GLIS3: variants seen among roughly 807,000 people sequenced by gnomAD.
GLIS3 encodes GLIS family zinc finger 3.
A neutral mutation model predicts 78.6 loss-of-function variants in GLIS3; 53 were observed. That is an observed-to-expected ratio of 0.67 (90% CI 0.54 to 0.85). GLIS3 has a LOEUF of 0.85. Ranked by LOEUF, GLIS3 falls within the 40% of genes least tolerant of loss-of-function variation. The pLI is 0.00. For synonymous variants in GLIS3, 684 were observed against 509.9 expected (o/e 1.34, Z -4.60); for missense variants, 1,703 against 1,231.1 (o/e 1.38, Z -5.74).
At chr9:4,261,734 A>C (rs890168427) in intron 2 of GLIS3, among the ~76,000 whole-genome samples, 2 of 152,174 alleles carry the variant, frequency 1.3e-5, no homozygotes, top group African/African-American at 4.8e-5. Flanking sequence ...AATTTCACTA[A>C]ACGCAATTCC....
At chr9:4,269,761 T>C (rs1238599903) in intron 2 of GLIS3, among the ~76,000 whole-genome samples, 1 of 152,220 alleles carries the variant, frequency 6.6e-6, no homozygotes, top group African/African-American at 2.4e-5. Flanking sequence ...TCTATTAATT[T>C]TGTCTGAGAA....
intron 7 of GLIS3, 125 bp from the exon 8 acceptor site, chr9:3,879,720 G>T: frequency 1.0e-6 from 1 of 991,562 alleles, no homozygotes; most frequent in Non-Finnish European, 1.5e-6. Flanking sequence ...GGTTTTCAGG[G>T]AACAGTTCTC....
rs1263069064 is a variant in GLIS3, at chr9:4,279,313, AAAT to A, written c.388+6722_388+6724del. On this transcript the variant is annotated intron_variant, in intron 2 of 10. Transcript: ENST00000381971. ...ACTCCATCTCAAAAAAAAAAAAAAA[AAAT>A]ATATATATACACACACACACACACA... 2.7e-3 allele frequency among the ~76,000 whole-genome samples: 182 copies of A among 68,078 alleles called. 8 individuals are homozygous for A. The highest frequency in any genetic ancestry group is 0.022 in the East Asian group (62 of 2,802). 44.7% of individuals were successfully genotyped at this position (68,078 alleles called of 152,430 possible).
chr9:4,395,932 C>T, the GLIS3 span, among the ~76,000 whole-genome samples: 2 of 151,876 alleles, frequency 1.3e-5, no homozygotes, highest in African/African-American at 4.8e-5. Context: ...CACCACCACG[C>T]CCAGCTAATT....
At chr9:4,240,735 T>C (rs543601653) in intron 2 of GLIS3, among the ~76,000 whole-genome samples, 113 of 152,070 alleles carry the variant, frequency 7.4e-4, no homozygotes, top group Non-Finnish European at 1.3e-3. Flanking sequence ...GTAAAACCAA[T>C]ATTCAAACAA....
At chr9:4,151,214 G>A (rs897667762) in intron 2 of GLIS3, among the ~76,000 whole-genome samples, 1 of 152,104 alleles carries the variant, frequency 6.6e-6, no homozygotes, top group Non-Finnish European at 1.5e-5. Flanking sequence ...AAGTGTCTTT[G>A]AGCCTAGAAG....
At chr9:4,273,773 C>CT (rs1482659980) in intron 2 of GLIS3, among the ~76,000 whole-genome samples, 3 of 152,132 alleles carry the variant, frequency 2.0e-5, no homozygotes, top group Non-Finnish European at 4.4e-5. Flanking sequence ...CGAAGATTCT[C>CT]TGATGCTCAC....
At chr9:4,363,737 A>C in the GLIS3 span, among the ~76,000 whole-genome samples, 1 of 152,144 alleles carries the variant, frequency 6.6e-6, no homozygotes, top group Non-Finnish European at 1.5e-5. Flanking sequence ...TGCTCTACCC[A>C]TAGAAATTTC....
At chr9:4,152,035 G>A in intron 2 of GLIS3, 1 of 516,540 alleles carries the variant, frequency 1.9e-6, no homozygotes, top group Non-Finnish European at 2.5e-6. Flanking sequence ...GAAAAAACCA[G>A]AACCTCAAAC....
chr9:3,960,265 C>CAGAT (rs1817459949), intron 4 of GLIS3, among the ~76,000 whole-genome samples: 1 of 152,164 alleles, frequency 6.6e-6, no homozygotes, highest in Admixed American at 6.5e-5. Flanking sequence ...GCCTGGGGAG[C>CAGAT]AGATCCTCTT....
chr9:3,973,565 T>C (rs1393572875), intron 4 of GLIS3, among the ~76,000 whole-genome samples: 2 of 152,198 alleles, frequency 1.3e-5, no homozygotes, highest in East Asian at 1.9e-4. Context: ...TCAAGTTCTT[T>C]ATTACACAAA....
chr9:3,942,806 A>C (rs938925178), intron 4 of GLIS3, among the ~76,000 whole-genome samples: 2 of 152,232 alleles, frequency 1.3e-5, no homozygotes, highest in Admixed American at 1.3e-4. Flanking sequence ...TACTTTGAGC[A>C]GCAACATTCT....
At chr9:3,923,750 G>A (rs1464345502) in intron 6 of GLIS3, among the ~76,000 whole-genome samples, 2 of 152,212 alleles carry the variant, frequency 1.3e-5, no homozygotes, top group Non-Finnish European at 2.9e-5. Context: ...CTAGGCTGCA[G>A]GATGGATGAG....
chr9:3,908,756 A>C (rs1393007813), intron 6 of GLIS3, among the ~76,000 whole-genome samples: 1 of 47,766 alleles, frequency 2.1e-5, no homozygotes, highest in African/African-American at 9.9e-5. Context: ...TAATGTTTAT[A>C]AGCCCTTGTA....
Position 3,871,234 on chromosome 9 carries a change from T to C in GLIS3, c.2297+8193A>G, listed in dbSNP as rs553098830. Reference sequence around the variant, plus strand: ...GCTTTGCAGGGTACAGCCTGCCTCCTGGTTGCTTTCATGGGCTGGCATTGA... The same window carrying C: ...GCTTTGCAGGGTACAGCCTGCCTCCCGGTTGCTTTCATGGGCTGGCATTGA... On this transcript the variant is annotated intron_variant, in intron 8 of 10. Coordinates refer to ENST00000381971, the MANE Select transcript of GLIS3 (RefSeq NM_001042413.2). Among the ~76,000 whole-genome samples the C allele has an allele frequency of 1.4e-4, 21 of 152,326 alleles. No homozygotes were observed. In the East Asian group the frequency reaches 4.1e-3, roughly 29 times the overall value.
chr9:4,460,188 C>A, the GLIS3 span, among the ~76,000 whole-genome samples: 540 of 152,004 alleles, frequency 3.6e-3, 5 homozygotes, highest in African/African-American at 0.012. Context: ...TCATGGAAGA[C>A]CATGGGCATT....
At chr9:4,031,726 G>C (rs1823850544) in intron 4 of GLIS3, among the ~76,000 whole-genome samples, 1 of 151,910 alleles carries the variant, frequency 6.6e-6, no homozygotes, top group Non-Finnish European at 1.5e-5. Flanking sequence ...GGTACCAAAG[G>C]AAAAAAATAC....
At chr9:4,196,423 T>C (rs1283773202) in intron 2 of GLIS3, among the ~76,000 whole-genome samples, 1 of 152,242 alleles carries the variant, frequency 6.6e-6, no homozygotes, top group African/African-American at 2.4e-5. Context: ...GTGGAAGCTT[T>C]GTTCTTTCGC....
At chr9:4,152,654 T>C (rs1038977395) in intron 2 of GLIS3, among the ~76,000 whole-genome samples, 1 of 152,222 alleles carries the variant, frequency 6.6e-6, no homozygotes, top group African/African-American at 2.4e-5. Flanking sequence ...CAGAAATTCT[T>C]TCTACCTATA....
Sources: allele counts gnomAD v4.1 joint callset (sites outside exome capture counted in the v4.1 genomes callset), GRCh38; gene constraint gnomAD v4.1.1; transcripts MANE v1.5; gene names NCBI Gene and HGNC (gene_info 2026-07-23, HGNC 2026-07-21).